BICC1: variants seen among roughly 807,000 people sequenced by gnomAD.
The protein encoded by BICC1 is protein bicaudal C homolog 1.
A neutral mutation model predicts 111.0 loss-of-function variants in BICC1; 43 were observed. The observed-to-expected ratio is 0.39, with a 90% CI of 0.30 to 0.50. The LOEUF is 0.50. BICC1 is among the 20% of genes least tolerant of loss of function. The pLI, the probability that BICC1 is intolerant of heterozygous loss-of-function variation, is 0.88. For missense variants in BICC1, 1,091 were observed against 1,203.2 expected, an observed-to-expected ratio of 0.91 and a Z score of 1.38; for synonymous variants, 467 against 434.4, an observed-to-expected ratio of 1.07 and a Z score of -0.93.
chr10:58,779,325 C>T (rs937409428), intron 3 of BICC1, among the ~76,000 whole-genome samples: 1 of 152,180 alleles, frequency 6.6e-6, no homozygotes, highest in Non-Finnish European at 1.5e-5. Flanking sequence ...TGCCTAAAAG[C>T]ACATTATTCA....
intron 3 of BICC1, among the ~76,000 whole-genome samples, chr10:58,771,685 G>A (rs542682790): frequency 1.3e-5 from 2 of 152,224 alleles, no homozygotes; most frequent in East Asian, 3.9e-4. Context: ...ACATTTTGGT[G>A]CAATGGTGAG....
At chr10:58,664,978 C>T (rs1280546082) in intron 2 of BICC1, among the ~76,000 whole-genome samples, 1 of 152,028 alleles carries the variant, frequency 6.6e-6, no homozygotes, top group Non-Finnish European at 1.5e-5. Context: ...AATATGAGTC[C>T]CGGAGTGTGG....
At chr10:58,691,861 G>A (rs980283180) in intron 2 of BICC1, among the ~76,000 whole-genome samples, 19 of 152,190 alleles carry the variant, frequency 1.2e-4, no homozygotes, top group African/African-American at 4.3e-4. Context: ...AGTGATTTAG[G>A]ACTTACTTTC....
intron 2 of BICC1, among the ~76,000 whole-genome samples, chr10:58,647,816 C>T (rs1838315706): frequency 6.6e-6 from 1 of 151,980 alleles, no homozygotes; most frequent in Non-Finnish European, 1.5e-5. Flanking sequence ...GTAAAGGAAG[C>T]ATGGCTCTGC....
At chr10:58,558,427 CTG>C (rs1843515246) in intron 1 of BICC1, among the ~76,000 whole-genome samples, 1 of 152,108 alleles carries the variant, frequency 6.6e-6, no homozygotes, top group Non-Finnish European at 1.5e-5. Context: ...GCGTCACAAT[CTG>C]TAAGTTCTCC....
At chr10:58,753,109 A>G (rs552694712) in intron 3 of BICC1, among the ~76,000 whole-genome samples, 1 of 152,266 alleles carries the variant, frequency 6.6e-6, no homozygotes, top group South Asian at 2.1e-4. Context: ...CCCAAAGCCT[A>G]GTGTCTCAAA....
At chr10:58,651,904 G>C (rs1335196815) in intron 2 of BICC1, among the ~76,000 whole-genome samples, 5 of 152,244 alleles carry the variant, frequency 3.3e-5, no homozygotes, top group African/African-American at 9.6e-5. Context: ...TCCTTTTCTT[G>C]AGATAACAGG....
At chr10:58,802,936 G>A (rs979519939) in intron 14 of BICC1, 141 bp from the exon 15 acceptor site, 3 of 784,588 alleles carry the variant, frequency 3.8e-6, no homozygotes, top group African/African-American at 3.6e-5. Context: ...CTGTGTCATA[G>A]CATTGTTGTG....
intron 1 of BICC1, among the ~76,000 whole-genome samples, chr10:58,581,451 G>A (rs1030260797): frequency 2.0e-5 from 3 of 152,050 alleles, no homozygotes; most frequent in African/African-American, 7.2e-5. Flanking sequence ...ACATGCCTCT[G>A]TTTTATGATC....
At chr10:58,649,562 A>G (rs1399818869) in intron 2 of BICC1, among the ~76,000 whole-genome samples, 1 of 151,968 alleles carries the variant, frequency 6.6e-6, no homozygotes, top group Non-Finnish European at 1.5e-5. Context: ...AAACTCTTCA[A>G]CTCCCACGAG....
intron 2 of BICC1, among the ~76,000 whole-genome samples, chr10:58,670,436 C>G (rs117419749): frequency 0.022 from 3,320 of 152,254 alleles, 57 homozygotes; most frequent in Non-Finnish European, 0.036. Context: ...TTCCAAAAAA[C>G]TCCACTGAAT....
At chr10:58,755,676 TC>T (rs1842123380) in intron 3 of BICC1, among the ~76,000 whole-genome samples, 1 of 152,166 alleles carries the variant, frequency 6.6e-6, no homozygotes, top group African/African-American at 2.4e-5. Flanking sequence ...TATTTTTTTT[TC>T]TCCTTTTTAT....
At chr10:58,580,906 T>C (rs1844262901) in intron 1 of BICC1, among the ~76,000 whole-genome samples, 1 of 152,226 alleles carries the variant, frequency 6.6e-6, no homozygotes, top group Non-Finnish European at 1.5e-5. Context: ...GATGTCTTAA[T>C]GATGGGAGTA....
intron 2 of BICC1, among the ~76,000 whole-genome samples, chr10:58,664,225 G>C (rs1022452916): frequency 6.6e-6 from 1 of 152,118 alleles, no homozygotes; most frequent in Non-Finnish European, 1.5e-5. Context: ...GTCAGCACCT[G>C]TTATTATCTA....
rs573116230 is a variant in BICC1, at chr10:58,521,768, GTTTTTTTTTTTTTTTTTTTTTTT to G, written c.190+8451_190+8473del. Reference sequence around the variant, plus strand: ...ATGAAAATCAGCCAGGGAATGTGGTGTTTTTTTTTTTTTTTTTTTTTTTTTTTTTTTTTTTTTTGAGGGAGTAC... The same window carrying G: ...ATGAAAATCAGCCAGGGAATGTGGTGTTTTTTTTTTTTTTTGAGGGAGTAC... On this transcript the variant is annotated intron_variant, in intron 1 of 20. Transcript: ENST00000373886. Among the ~76,000 whole-genome samples the G allele has an allele frequency of 2.7e-5, 3 of 112,810 alleles. 1 individual carries two copies. The highest frequency in any genetic ancestry group is 1.2e-4 in the Admixed American group (1 of 8,626). The allele number at this position is 112,810 out of a possible 152,430, so 74.0% of individuals were successfully genotyped here. A position where few individuals can be genotyped will look rare whatever the true frequency, so the allele number is the denominator to read the frequency against.
chr10:58,737,436 CTT>C lies in BICC1; in HGVS notation c.307+35295_307+35296del, dbSNP rs1338055040. ...CTGCAAAGCACATGAACTCATCCTT[CTT>C]TATGGCTGCATAGTATTCCATGGTG... On this transcript the variant is annotated intron_variant, in intron 3 of 20. Coordinates refer to ENST00000373886, the MANE Select transcript of BICC1 (RefSeq NM_001080512.3). Among the ~76,000 whole-genome samples, 7 of 152,216 alleles carry C rather than the reference CTT, an allele frequency of 4.6e-5. No homozygotes were observed. In the East Asian group the frequency reaches 1.4e-3, roughly 29 times the overall value.
At chr10:58,662,477 T>C (rs1333707326) in intron 2 of BICC1, among the ~76,000 whole-genome samples, 2 of 152,214 alleles carry the variant, frequency 1.3e-5, no homozygotes, top group Non-Finnish European at 2.9e-5. Flanking sequence ...AGAAGTCAGC[T>C]AAGTCTCCAT....
At chr10:58,518,179 G>A (rs1398078218) in intron 1 of BICC1, among the ~76,000 whole-genome samples, 3 of 152,028 alleles carry the variant, frequency 2.0e-5, no homozygotes, top group Admixed American at 2.0e-4. Context: ...TATTTGACTG[G>A]TCCTGAGCCA....
At chr10:58,621,951 G>GGAC (rs1845827565) in intron 2 of BICC1, among the ~76,000 whole-genome samples, 1 of 34,116 alleles carries the variant, frequency 2.9e-5, no homozygotes. Context: ...GAATAGAATA[G>GGAC]AATAGAATAG....
Sources: allele counts gnomAD v4.1 joint callset (sites outside exome capture counted in the v4.1 genomes callset), GRCh38; gene constraint gnomAD v4.1.1; transcripts MANE v1.5; gene names NCBI Gene and HGNC (gene_info 2026-07-23, HGNC 2026-07-21).